FAM169A: variants seen among roughly 807,000 people sequenced by gnomAD.
The protein encoded by FAM169A is soluble lamin-associated protein of 75 kDa.
Under a neutral mutation model 75.7 loss-of-function variants are expected in FAM169A, and 24 were observed. The observed-to-expected ratio is 0.32, with a 90% CI of 0.23 to 0.45. The LOEUF (loss-of-function observed/expected upper bound fraction) is 0.45. Among genes scored for constraint, FAM169A ranks in the 20% least tolerant of loss-of-function variants. FAM169A has a pLI of 1.00. For synonymous variants in FAM169A, 271 were observed against 271.0 expected (o/e 1.00, Z 0.00); for missense variants, 673 against 784.0 (o/e 0.86, Z 1.69).
At chr5:74,816,284 G>A (rs1249498432) in intron 5 of FAM169A, among the ~76,000 whole-genome samples, 1 of 152,186 alleles carries the variant, frequency 6.6e-6, no homozygotes, top group African/African-American at 2.4e-5. Flanking sequence ...TCAATACAAA[G>A]TCTGAGGATC....
chr5:74,819,720 A>C (rs1416051371), intron 5 of FAM169A, among the ~76,000 whole-genome samples: 1 of 152,242 alleles, frequency 6.6e-6, no homozygotes. Context: ...CTATTTGGTC[A>C]TAAAAAGGAA....
intron 5 of FAM169A, 46 bp from the exon 6 acceptor site, chr5:74,814,065 A>T: frequency 7.1e-7 from 1 of 1,402,850 alleles, no homozygotes; most frequent in Non-Finnish European, 9.4e-7. Context: ...ACATTAAAAA[A>T]TATACATACA....
intron 6 of FAM169A, among the ~76,000 whole-genome samples, chr5:74,806,787 T>C (rs976762824): frequency 3.9e-5 from 6 of 152,238 alleles, no homozygotes; most frequent in Admixed American, 3.9e-4. Context: ...TCAGAATATA[T>C]AAAGAATTTC....
Position 74,804,576 on chromosome 5 carries a change from T to C in FAM169A, c.829A>G (p.Met277Val), listed in dbSNP as rs748457895. 104 of 1,607,816 alleles carry C rather than the reference T, an allele frequency of 6.5e-5. 1 individual carries two copies. The South Asian group carries it at 1.0e-3, about 16-fold the overall frequency. Reference sequence around the variant, plus strand: ...GATGCAGGACCATATTCTCCAGACATAGGTCTTTTAGGTTCATTTTGAGAA... The same window carrying C: ...GATGCAGGACCATATTCTCCAGACACAGGTCTTTTAGGTTCATTTTGAGAA... ...ALSQNEPKRPMSGEYGPASVP... is the reference protein window; with the variant it reads ...ALSQNEPKRPVSGEYGPASVP... The change falls in exon 8 of 13, where the codon ATG becomes GTG. Residue 277 changes from methionine to valine, a missense_variant. By Grantham distance (21) the Met-to-Val change is conservative. This residue lies in a region of FAM169A where 510 missense variants were observed against 550.9 expected (regional missense o/e 0.93). Coordinates refer to ENST00000687041, the MANE Select transcript of FAM169A (RefSeq NM_001376049.1).
In FAM169A at chr5:74,781,277, A is replaced by G; in HGVS notation, c.*183T>C. The G allele has an allele frequency of 2.0e-6, 1 of 509,796 alleles. No homozygotes were observed. Among genetic ancestry groups the G allele is most frequent in the Non-Finnish European group, 3.4e-6 (1 of 295,180 alleles). The allele number at this position is 509,796 out of a possible 1,614,324, so 31.6% of individuals were successfully genotyped here. ...ATTGCATTTACCAAAAATAGCCTGG[A>G]AAATTAAAAACAATGGTGAATTCTA... On this transcript the variant is annotated 3_prime_UTR_variant, in exon 13 of 13. Transcript: ENST00000687041.
At position 74,841,545 on chromosome 5, in the gene FAM169A, C is replaced by T; in HGVS notation, c.132G>A (p.Thr44=). The T allele has an allele frequency of 6.2e-7, 1 of 1,609,262 alleles. No homozygotes were observed. Among genetic ancestry groups the T allele is most frequent in the Non-Finnish European group, 8.5e-7 (1 of 1,177,224 alleles). Residue 44 remains threonine (T), a splice_region_variant and synonymous_variant, in exon 2 of 13, where the codon ACG becomes ACA. Coordinates refer to ENST00000687041, the MANE Select transcript of FAM169A (RefSeq NM_001376049.1). ...NPECFSLLNI[T]IPISLSNVGF... ...TGACAATCACTGCAGAACACCTTAC[C>T]GTAATATTGAGAAGAGAAAAACACT...
intron 5 of FAM169A, among the ~76,000 whole-genome samples, chr5:74,831,030 AC>A (rs1466443656): frequency 2.0e-5 from 3 of 152,186 alleles, no homozygotes; most frequent in Admixed American, 6.5e-5. Context: ...TTTCAACTTA[AC>A]AACCTTTCTC....
intron 1 of FAM169A, among the ~76,000 whole-genome samples, chr5:74,854,720 T>C (rs1388871839): frequency 1.3e-5 from 2 of 152,188 alleles, no homozygotes; most frequent in Admixed American, 6.5e-5. Flanking sequence ...CGTCTTTCTG[T>C]GTCTGGCTTA....
intron 6 of FAM169A, among the ~76,000 whole-genome samples, chr5:74,811,638 T>C (rs1487085017): frequency 6.6e-6 from 1 of 152,252 alleles, no homozygotes; most frequent in African/African-American, 2.4e-5. Flanking sequence ...CAGTAAATTA[T>C]ACTTTATAAG....
At chr5:74,860,811 A>G (rs1749991709) in intron 1 of FAM169A, among the ~76,000 whole-genome samples, 1 of 147,922 alleles carries the variant, frequency 6.8e-6, no homozygotes, top group Non-Finnish European at 1.5e-5. Flanking sequence ...GGATCCCTCC[A>G]AATGCAATGT....
intron 5 of FAM169A, among the ~76,000 whole-genome samples, chr5:74,824,074 G>A (rs1303315400): frequency 6.6e-6 from 1 of 152,114 alleles, no homozygotes; most frequent in Non-Finnish European, 1.5e-5. Flanking sequence ...AAGAAAAAAT[G>A]CTTCCATTAC....
intron 1 of FAM169A, among the ~76,000 whole-genome samples, chr5:74,856,025 T>C (rs1749687871): frequency 6.6e-6 from 1 of 152,240 alleles, no homozygotes; most frequent in Non-Finnish European, 1.5e-5. Flanking sequence ...CCAGCACCAT[T>C]TATTAAAGAG....
At chr5:74,822,009 T>A (rs1482788284) in intron 5 of FAM169A, among the ~76,000 whole-genome samples, 1 of 152,118 alleles carries the variant, frequency 6.6e-6, no homozygotes, top group Non-Finnish European at 1.5e-5. Flanking sequence ...AGTCTCCAGG[T>A]CGTTGTATTT....
At chr5:74,856,126 G>A (rs2112730013) in intron 1 of FAM169A, among the ~76,000 whole-genome samples, 1 of 152,252 alleles carries the variant, frequency 6.6e-6, no homozygotes, top group South Asian at 2.1e-4. Context: ...TCTCTACTCT[G>A]TTCCATTGGT....
Position 74,778,387 on chromosome 5 carries a change from A to G in FAM169A, c.*3073T>C, listed in dbSNP as rs140141812. ...GCAGAACATAAGAGCAGATATTTAGATATTAGTACAGGCTCAATTTGATGC... is the reference window on the plus strand; with the variant it reads ...GCAGAACATAAGAGCAGATATTTAGGTATTAGTACAGGCTCAATTTGATGC... On this transcript the variant is annotated 3_prime_UTR_variant, in exon 13 of 13. Coordinates refer to ENST00000687041, the MANE Select transcript of FAM169A (RefSeq NM_001376049.1). The G allele has an allele frequency of 1.7e-4, 26 of 152,192 alleles. No homozygotes were observed. In the East Asian group the frequency reaches 5.0e-3, roughly 29 times the overall value. The allele number at this position is 152,192 out of a possible 1,614,324, so 9.4% of individuals were successfully genotyped here. A position where few individuals can be genotyped will look rare whatever the true frequency, so the allele number is the denominator to read the frequency against.
chr5:74,827,670 T>C (rs896144872), intron 5 of FAM169A, among the ~76,000 whole-genome samples: 35 of 136,532 alleles, frequency 2.6e-4, no homozygotes, highest in Admixed American at 5.9e-4. Flanking sequence ...GGAGCTTATC[T>C]TTTTTTTTTT....
In FAM169A at chr5:74,781,392, A is replaced by G; in HGVS notation, c.*68T>C. 1.4e-6 allele frequency: 2 copies of G among 1,472,370 alleles called. No individual in the cohort carries two copies. The highest frequency in any genetic ancestry group is 1.3e-5 in the South Asian group (1 of 77,350). 91.2% of individuals were successfully genotyped at this position (1,472,370 alleles called of 1,614,324 possible). A position where few individuals can be genotyped will look rare whatever the true frequency, so the allele number is the denominator to read the frequency against. On this transcript the variant is annotated 3_prime_UTR_variant, in exon 13 of 13. Coordinates refer to ENST00000687041, the MANE Select transcript of FAM169A (RefSeq NM_001376049.1). ...GTCCTGTGCCCCATGCTGTTTATTA[A>G]TTACCATATTTTAAAAACAACAACT... is the stretch of plus-strand genomic sequence containing the variant.
intron 5 of FAM169A, among the ~76,000 whole-genome samples, chr5:74,814,367 T>C (rs1376283121): frequency 6.6e-6 from 1 of 152,140 alleles, no homozygotes; most frequent in Non-Finnish European, 1.5e-5. Flanking sequence ...CTATTAAAAT[T>C]TCAAATTTGA....
At chr5:74,861,347 C>CAAT (rs934935381) in intron 1 of FAM169A, among the ~76,000 whole-genome samples, 8 of 152,124 alleles carry the variant, frequency 5.3e-5, no homozygotes, top group Admixed American at 2.0e-4. Flanking sequence ...TCCCAAATCT[C>CAAT]TATTATCTGC....
Sources: allele counts gnomAD v4.1 joint callset (sites outside exome capture counted in the v4.1 genomes callset), GRCh38; gene constraint gnomAD v4.1.1; regional missense constraint gnomAD v4.1.1; transcripts MANE v1.5; gene names NCBI Gene and HGNC (gene_info 2026-07-23, HGNC 2026-07-21).